Variants in TANC2 observed in about 807,000 individuals in gnomAD.
TANC2 encodes protein TANC2.
Under a neutral mutation model 210.5 loss-of-function variants are expected in TANC2, and 26 were observed. The ratio of observed to expected loss-of-function variants is 0.12; its 90% CI spans 0.09 to 0.17. The LOEUF (loss-of-function observed/expected upper bound fraction) is 0.17, where lower values mean the gene tolerates loss of function less well. Ranked by LOEUF, TANC2 falls within the 10% of genes least tolerant of loss-of-function variation. The probability of loss-of-function intolerance (pLI) is 1.00; values close to 1 mark genes in which losing one functional copy is unlikely to be tolerated. For synonymous variants in TANC2, 931 were observed against 967.1 expected, an observed-to-expected ratio of 0.96 and a Z score of 0.69; for missense variants, 2,129 against 2,608.9, an observed-to-expected ratio of 0.82 and a Z score of 4.01.
At chr17:62,970,281 G>A (rs768785486) in intron 1 of TANC2, among the ~76,000 whole-genome samples, 41 of 152,184 alleles carry the variant, frequency 2.7e-4, no homozygotes, top group Middle Eastern at 6.8e-3. Flanking sequence ...ATATGCTTAC[G>A]TAATTTAATA....
At chr17:63,234,639 T>G (rs973387163) in intron 7 of TANC2, among the ~76,000 whole-genome samples, 8 of 75,946 alleles carry the variant, frequency 1.1e-4, no homozygotes, top group African/African-American at 3.2e-4. Context: ...GTGCTAAAAG[T>G]TTTTTTTTTA....
chr17:63,206,105 A>T (rs930702302), intron 7 of TANC2, among the ~76,000 whole-genome samples: 1 of 152,228 alleles, frequency 6.6e-6, no homozygotes, highest in Non-Finnish European at 1.5e-5. Flanking sequence ...AAGATATTCA[A>T]CATTACTAGT....
intron 9 of TANC2, among the ~76,000 whole-genome samples, chr17:63,289,728 C>G (rs895618741): frequency 6.6e-6 from 1 of 152,102 alleles, no homozygotes; most frequent in Non-Finnish European, 1.5e-5. Flanking sequence ...GTGTTCTTTG[C>G]CTTTTAGTAT....
At chr17:63,085,250 G>C (rs1238559884) in intron 3 of TANC2, among the ~76,000 whole-genome samples, 1 of 151,964 alleles carries the variant, frequency 6.6e-6, no homozygotes, top group Non-Finnish European at 1.5e-5. Context: ...AGTTGGGTCT[G>C]TTTTTTTGAC....
intron 14 of TANC2, among the ~76,000 whole-genome samples, chr17:63,370,963 T>C (rs1238674013): frequency 6.6e-6 from 1 of 152,202 alleles, no homozygotes; most frequent in Non-Finnish European, 1.5e-5. Flanking sequence ...AGCACAATCT[T>C]TGGAGGCCGC....
At chr17:63,033,026 T>A (rs1365612376) in intron 2 of TANC2, among the ~76,000 whole-genome samples, 7 of 152,158 alleles carry the variant, frequency 4.6e-5, no homozygotes, top group African/African-American at 1.7e-4. Context: ...TGCCAGTTTA[T>A]TATAAAGGAT....
chr17:63,194,219 C>A (rs1446260395), intron 6 of TANC2, 80 bp downstream of exon 6: 25 of 1,361,750 alleles, frequency 1.8e-5, no homozygotes, highest in Middle Eastern at 3.9e-4. Context: ...TTGTTGAATG[C>A]CTTTTGAGGC....
intron 3 of TANC2, among the ~76,000 whole-genome samples, chr17:63,091,869 G>T (rs957426993): frequency 9.2e-5 from 14 of 152,092 alleles, no homozygotes; most frequent in Non-Finnish European, 1.5e-5. Context: ...CCATTTGTTT[G>T]TGTCCTCTTT....
chr17:63,216,446 C>T (rs1213523633), intron 7 of TANC2, among the ~76,000 whole-genome samples: 1 of 152,154 alleles, frequency 6.6e-6, no homozygotes, highest in Non-Finnish European at 1.5e-5. Context: ...AAGTAAAGTG[C>T]ATTCCTGAGT....
chr17:62,999,770 CA>C (rs1228424187), intron 1 of TANC2, among the ~76,000 whole-genome samples: 1 of 152,104 alleles, frequency 6.6e-6, no homozygotes, highest in Non-Finnish European at 1.5e-5. Context: ...ATTGTTCTAC[CA>C]AAAACGCATG....
At chr17:63,147,320 C>T (rs1027736463) in intron 4 of TANC2, among the ~76,000 whole-genome samples, 4 of 151,744 alleles carry the variant, frequency 2.6e-5, no homozygotes, top group South Asian at 2.1e-4. Flanking sequence ...ACTGCACTCT[C>T]GCCTGGGCAA....
chr17:63,308,619 G>A (rs1468117002), intron 9 of TANC2, among the ~76,000 whole-genome samples: 5 of 152,110 alleles, frequency 3.3e-5, no homozygotes. Flanking sequence ...GTTAAAATTT[G>A]TAACTACATA....
chr17:63,214,543 C>A (rs751228488), intron 7 of TANC2, among the ~76,000 whole-genome samples: 3 of 152,150 alleles, frequency 2.0e-5, no homozygotes, highest in Admixed American at 6.6e-5. Flanking sequence ...GCTGGGAAGT[C>A]CAAGATCAAG....
At chr17:62,997,752 A>C (rs1193408082) in intron 1 of TANC2, among the ~76,000 whole-genome samples, 1 of 152,190 alleles carries the variant, frequency 6.6e-6, no homozygotes, top group Non-Finnish European at 1.5e-5. Context: ...TTAATGGTAT[A>C]ATTTATTTAT....
intron 9 of TANC2, among the ~76,000 whole-genome samples, chr17:63,310,385 T>C (rs2045080062): frequency 6.6e-6 from 1 of 152,106 alleles, no homozygotes; most frequent in East Asian, 1.9e-4. Context: ...AGGCAGAGAT[T>C]GCAGTGAGCC....
chr17:63,188,125 A>T (rs2041057414), intron 5 of TANC2, among the ~76,000 whole-genome samples: 1 of 152,028 alleles, frequency 6.6e-6, no homozygotes, highest in Non-Finnish European at 1.5e-5. Context: ...GTACCCAAAA[A>T]ACCCCAACCA....
At chr17:63,410,337 T>TTC (rs914440053) in intron 21 of TANC2, among the ~76,000 whole-genome samples, 16 of 118,422 alleles carry the variant, frequency 1.4e-4, no homozygotes, top group Non-Finnish European at 2.5e-4. Flanking sequence ...ATCTCTCCAA[T>TTC]CCCCCCCCCC....
intron 14 of TANC2, among the ~76,000 whole-genome samples, chr17:63,378,270 T>C (rs888825009): frequency 1.3e-5 from 2 of 152,146 alleles, no homozygotes; most frequent in African/African-American, 2.4e-5. Context: ...ATGGAAGATA[T>C]AAGTAATTCA....
intron 9 of TANC2, among the ~76,000 whole-genome samples, chr17:63,308,277 C>T (rs1598822516): frequency 6.6e-6 from 1 of 152,188 alleles, no homozygotes; most frequent in Non-Finnish European, 1.5e-5. Flanking sequence ...TTCTTCCGCT[C>T]CCTATCCCTC....
Sources: allele counts gnomAD v4.1 joint callset (sites outside exome capture counted in the v4.1 genomes callset), GRCh38; gene constraint gnomAD v4.1.1; transcripts MANE v1.5; gene names NCBI Gene and HGNC (gene_info 2026-07-23, HGNC 2026-07-21).